Variants in MALRD1 observed in about 807,000 individuals in gnomAD.
MALRD1 encodes MAM and LDL receptor class A domain containing 1.
A neutral mutation model predicts 242.1 loss-of-function variants in MALRD1; 247 were observed. The observed-to-expected ratio is 1.02, with a 90% CI of 0.92 to 1.13. The LOEUF is 1.13. MALRD1 is among the 50% of genes most tolerant of loss of function. The pLI, the probability that MALRD1 is intolerant of heterozygous loss-of-function variation, is 0.00. For missense variants in MALRD1, 2,989 were observed against 2,533.1 expected (o/e 1.18, Z -3.86); for synonymous variants, 995 against 866.6 (o/e 1.15, Z -2.60).
intron 36 of MALRD1, among the ~76,000 whole-genome samples, chr10:19,660,351 C>T (rs1240273954): frequency 1.3e-5 from 2 of 152,104 alleles, no homozygotes; most frequent in Non-Finnish European, 2.9e-5. Context: ...AATTTTATGA[C>T]CAAAAACCAA....
chr10:19,369,362 A>G (rs1224073940), intron 26 of MALRD1, among the ~76,000 whole-genome samples: 1 of 139,350 alleles, frequency 7.2e-6, no homozygotes, highest in Non-Finnish European at 1.5e-5. Context: ...ATATCTGTAT[A>G]TTAAATATAC....
In MALRD1 at chr10:19,655,054, T is replaced by C. The variant is rs368591571; in HGVS notation, c.6138-37228T>C. Among the ~76,000 whole-genome samples the C allele has an allele frequency of 5.7e-4, 87 of 152,248 alleles. 2 individuals are homozygous for C. Among genetic ancestry groups the C allele is most frequent in the African/African-American group, 2.0e-3 (82 of 41,548 alleles). ...CAAACACGATGCAATTTGTCAATACTTTGCCCTGTTCTATGGAATAAGAAT... is the reference window on the plus strand; with the variant it reads ...CAAACACGATGCAATTTGTCAATACCTTGCCCTGTTCTATGGAATAAGAAT... On this transcript the variant is annotated intron_variant, in intron 36 of 39. Transcript: ENST00000454679.
chr10:19,607,048 A>G (rs1838673612), intron 34 of MALRD1, among the ~76,000 whole-genome samples: 2 of 152,176 alleles, frequency 1.3e-5, no homozygotes, highest in Admixed American at 6.5e-5. Context: ...AACAGGCATC[A>G]GTGCTCTTGA....
intron 12 of MALRD1, among the ~76,000 whole-genome samples, chr10:19,165,311 G>GTTTTGT (rs1288020464): frequency 7.6e-6 from 1 of 131,118 alleles, no homozygotes; most frequent in Non-Finnish European, 1.6e-5. Context: ...GTTTTGTTTT[G>GTTTTGT]TTTTTTGAGA....
intron 10 of MALRD1, among the ~76,000 whole-genome samples, chr10:19,140,543 A>ATGTGTGTGTGTGTG (rs34024633): frequency 0.054 from 7,963 of 146,964 alleles, 297 homozygotes; most frequent in Non-Finnish European, 0.079. Context: ...GTGTGTGTGT[A>ATGTGTGTGTGTGTG]TGTGTGTGTG....
At chr10:19,609,735 A>G (rs889063667) in intron 35 of MALRD1, among the ~76,000 whole-genome samples, 2 of 152,086 alleles carry the variant, frequency 1.3e-5, no homozygotes, top group East Asian at 3.9e-4. Flanking sequence ...TTGCAACCAG[A>G]AATTATTGGC....
chr10:19,657,078 C>A (rs1051818721), intron 36 of MALRD1, among the ~76,000 whole-genome samples: 1 of 152,080 alleles, frequency 6.6e-6, no homozygotes, highest in African/African-American at 2.4e-5. Context: ...TTTTTCAAAT[C>A]TATAGATCAC....
chr10:19,271,263 G>A (rs1435559465), intron 19 of MALRD1, among the ~76,000 whole-genome samples: 1 of 152,094 alleles, frequency 6.6e-6, no homozygotes, highest in Non-Finnish European at 1.5e-5. Context: ...CAGAATTACT[G>A]AATTACAATA....
intron 26 of MALRD1, among the ~76,000 whole-genome samples, chr10:19,385,203 G>C (rs1190566530): frequency 1.3e-5 from 2 of 151,958 alleles, no homozygotes; most frequent in African/African-American, 4.8e-5. Context: ...ATTTATTAGG[G>C]ATATTGGCTG....
At chr10:19,468,990 T>C (rs188997913) in intron 29 of MALRD1, among the ~76,000 whole-genome samples, 1 of 152,236 alleles carries the variant, frequency 6.6e-6, no homozygotes, top group East Asian at 1.9e-4. Flanking sequence ...TCAGTGATTG[T>C]GGTTCTCAAA....
intron 21 of MALRD1, among the ~76,000 whole-genome samples, chr10:19,293,520 T>C (rs912191947): frequency 6.6e-6 from 1 of 152,242 alleles, no homozygotes. Flanking sequence ...TAAATCACTT[T>C]AATTTTGATT....
intron 32 of MALRD1, among the ~76,000 whole-genome samples, chr10:19,543,207 C>T (rs1835054265): frequency 6.6e-6 from 1 of 152,144 alleles, no homozygotes; most frequent in African/African-American, 2.4e-5. Flanking sequence ...GCCTCAGCCT[C>T]TCAAGTAGCT....
intron 36 of MALRD1, among the ~76,000 whole-genome samples, chr10:19,653,841 TCTC>T (rs1841005321): frequency 6.6e-6 from 1 of 152,290 alleles, no homozygotes; most frequent in East Asian, 1.9e-4. Flanking sequence ...GTCTTGTCTT[TCTC>T]CTCTATTTTT....
At chr10:19,325,342 A>G (rs901498638) in intron 22 of MALRD1, among the ~76,000 whole-genome samples, 3 of 151,672 alleles carry the variant, frequency 2.0e-5, no homozygotes, top group African/African-American at 7.3e-5. Context: ...TTTGGCCAAG[A>G]TGTTACAAAC....
At chr10:19,570,331 A>G (rs1040815723) in intron 33 of MALRD1, among the ~76,000 whole-genome samples, 3 of 152,092 alleles carry the variant, frequency 2.0e-5, no homozygotes, top group Non-Finnish European at 4.4e-5. Flanking sequence ...CTTAGGGATT[A>G]TGCAATACCG....
chr10:19,645,844 G>T (rs7073886), intron 36 of MALRD1, among the ~76,000 whole-genome samples: 1 of 151,872 alleles, frequency 6.6e-6, no homozygotes, highest in African/African-American at 2.4e-5. Flanking sequence ...AAACCTGCAC[G>T]TTGTGCACAT....
chr10:19,197,089 A>T (rs952367609), intron 14 of MALRD1, among the ~76,000 whole-genome samples: 1 of 152,100 alleles, frequency 6.6e-6, no homozygotes, highest in Non-Finnish European at 1.5e-5. Flanking sequence ...GGCACGTCTT[A>T]TATGGTGGCA....
intron 31 of MALRD1, among the ~76,000 whole-genome samples, chr10:19,502,834 G>C (rs1451208321): frequency 6.6e-6 from 1 of 152,088 alleles, no homozygotes; most frequent in South Asian, 2.1e-4. Flanking sequence ...CAAGATTAAA[G>C]TATAGTCAAT....
intron 36 of MALRD1, among the ~76,000 whole-genome samples, chr10:19,674,140 T>A (rs1003975324): frequency 5.9e-5 from 9 of 152,128 alleles, no homozygotes; most frequent in African/African-American, 2.2e-4. Context: ...ATAGAGTATA[T>A]CTGTCACCGG....
Sources: gnomAD v4.1 joint callset for allele counts (sites outside exome capture counted in the v4.1 genomes callset) on GRCh38, gnomAD v4.1.1 for gene constraint, MANE v1.5 for transcripts, NCBI Gene and HGNC (gene_info 2026-07-23, HGNC 2026-07-21) for gene names.